The following EPG5 variants were observed in gnomAD, a reference collection of about 807,000 sequenced individuals.
EPG5 encodes ectopic P granules protein 5 homolog.
A neutral mutation model predicts 302.7 loss-of-function variants in EPG5; 159 were observed. The observed-to-expected ratio is 0.53, with a 90% CI of 0.46 to 0.60. The LOEUF (loss-of-function observed/expected upper bound fraction) is 0.60, where lower values mean the gene tolerates loss of function less well. Among genes scored for constraint, EPG5 ranks in the 20% least tolerant of loss-of-function variants. The pLI is 0.00. For synonymous variants in EPG5, 1,158 were observed against 1,136.8 expected (o/e 1.02, Z -0.37); for missense variants, 2,896 against 3,092.4 (o/e 0.94, Z 1.51).
intron 14 of EPG5, among the ~76,000 whole-genome samples, chr18:45,924,782 C>G (rs1335305355): frequency 6.6e-6 from 1 of 152,214 alleles, no homozygotes; most frequent in African/African-American, 2.4e-5. Flanking sequence ...ACTCTATGCG[C>G]AGTGGCACGC....
the EPG5 span, among the ~76,000 whole-genome samples, chr18:45,829,549 G>C: frequency 6.6e-6 from 1 of 152,258 alleles, no homozygotes; most frequent in African/African-American, 2.4e-5. Flanking sequence ...ACAGCCAATG[G>C]GAGTGTCTCT....
At chr18:45,942,355 C>T (rs1265295366) in intron 9 of EPG5, among the ~76,000 whole-genome samples, 1 of 152,112 alleles carries the variant, frequency 6.6e-6, no homozygotes, top group Non-Finnish European at 1.5e-5. Context: ...GTAATCCCAG[C>T]ACTTTGGGAA....
chr18:45,839,665 G>A, the EPG5 span, among the ~76,000 whole-genome samples: 2 of 152,138 alleles, frequency 1.3e-5, no homozygotes, highest in East Asian at 3.9e-4. Context: ...CGTGCTGGGA[G>A]AGCTAAATAA....
chr18:45,879,977 TTAAAGA>T, intron 32 of EPG5, 92 bp downstream of exon 32: 2 of 1,360,278 alleles, frequency 1.5e-6, no homozygotes, highest in Non-Finnish European at 2.0e-6. Flanking sequence ...CACATGGCTC[TTAAAGA>T]TAATGCACAA....
intron 43 of EPG5, among the ~76,000 whole-genome samples, chr18:45,854,127 C>T (rs1394566406): frequency 6.6e-6 from 1 of 152,126 alleles, no homozygotes; most frequent in Non-Finnish European, 1.5e-5. Flanking sequence ...TCAAATACAC[C>T]CTGCATCTCA....
In EPG5 at chr18:45,939,678, G is replaced by C. The variant is rs1358885035; in HGVS notation, c.2021C>G (p.Pro674Arg). The C allele has an allele frequency of 2.5e-6, 4 of 1,614,040 alleles. No homozygotes were observed. Among genetic ancestry groups the C allele is most frequent in the Non-Finnish European group, 3.4e-6 (4 of 1,179,996 alleles). ...AACCTGTAGTTTCTCCATAGAGTAG[G>C]GCTGTTGGGCCAATCCTGAGCCTTG... Reference protein sequence around the residue: ...HNQGSGLAQQPYSMEKLQVEF... With the variant: ...HNQGSGLAQQRYSMEKLQVEF... Residue 674 changes from proline to arginine, a missense_variant, in exon 10 of 44, where the codon CCC becomes CGC. Coordinates refer to ENST00000282041, the MANE Select transcript of EPG5 (RefSeq NM_020964.3).
At position 45,928,960 on chromosome 18, in the gene EPG5, C is replaced by T. The variant is rs776940588; in HGVS notation, c.2462G>A (p.Arg821Gln). The part of the protein sequence containing the change: ...STRETFSKVG[R>Q]ELLGTITAVH... ...AGCTGTGATAGTCCCTAAAAGCTCTCGACCAACCTTTGAAAAAGTCTCTCT... is the reference window on the plus strand; with the variant it reads ...AGCTGTGATAGTCCCTAAAAGCTCTTGACCAACCTTTGAAAAAGTCTCTCT... Residue 821 changes from arginine (R) to glutamine (Q), a missense_variant, in exon 13 of 44, where the codon CGA becomes CAA. Physicochemically the swap from Arg to Gln is conservative, Grantham distance 43 (BLOSUM62 1). Around this residue, in one of 5 missense-constraint regions of EPG5, gnomAD observed 1,390 missense variants for 1,430.0 expected, o/e 0.97. Coordinates refer to ENST00000282041, the MANE Select transcript of EPG5 (RefSeq NM_020964.3). The T allele has an allele frequency of 7.4e-6, 12 of 1,613,762 alleles. No homozygotes were observed. The highest frequency in any genetic ancestry group is 5.3e-5 in the African/African-American group (4 of 74,886).
intron 11 of EPG5, 68 bp downstream of exon 11, chr18:45,934,741 A>C (rs753028766): frequency 4.6e-6 from 7 of 1,508,078 alleles, no homozygotes; most frequent in Non-Finnish European, 6.2e-6. Flanking sequence ...AAAAGTAAAA[A>C]TTAAGCCCTG....
At chr18:45,816,604 C>A in the EPG5 span, among the ~76,000 whole-genome samples, 1 of 151,984 alleles carries the variant, frequency 6.6e-6, no homozygotes, top group Non-Finnish European at 1.5e-5. Flanking sequence ...GCAGGAATGG[C>A]CATAATAAAA....
rs1006464014 is a variant in EPG5, at chr18:45,852,004, A to C, written c.*463T>G. 1 of 152,916 alleles carries C rather than the reference A, an allele frequency of 6.5e-6. No homozygotes were observed. Among genetic ancestry groups the C allele is most frequent in the African/African-American group, 2.4e-5 (1 of 41,468 alleles). The allele number at this position is 152,916 out of a possible 1,614,324, so 9.5% of individuals were successfully genotyped here. A position where few individuals can be genotyped will look rare whatever the true frequency, so the allele number is the denominator to read the frequency against. On this transcript the variant is annotated 3_prime_UTR_variant, in exon 44 of 44. Coordinates refer to ENST00000282041, the MANE Select transcript of EPG5 (RefSeq NM_020964.3). ...TTTGTCCACATTTGAGAAATGCAGA[A>C]ATTTTTCAAAATTGACTTCTTTACT...
intron 1 of EPG5, among the ~76,000 whole-genome samples, chr18:45,966,664 A>G (rs1338953008): frequency 6.6e-6 from 1 of 152,206 alleles, no homozygotes; most frequent in East Asian, 1.9e-4. Flanking sequence ...ACAATAAGAA[A>G]TAAACAGAGG....
At chr18:45,944,194 A>C in intron 7 of EPG5, 75 bp from the exon 8 acceptor site, 1 of 884,070 alleles carries the variant, frequency 1.1e-6, no homozygotes, top group East Asian at 2.4e-5. Context: ...CAGGAGCTAA[A>C]TTATCACAGG....
intron 30 of EPG5, 40 bp from the exon 31 acceptor site, chr18:45,882,527 T>G: frequency 6.5e-7 from 1 of 1,541,952 alleles, no homozygotes; most frequent in Non-Finnish European, 8.8e-7. Context: ...TTATTTGCAC[T>G]AGAAAAATAG....
the EPG5 span, chr18:45,825,452 A>C: frequency 1.9e-6 from 1 of 529,768 alleles, no homozygotes; most frequent in South Asian, 2.8e-5. Context: ...TTTCTTTCTC[A>C]CCCTCTTTCC....
At chr18:45,906,589 G>T (rs1168006889) in intron 24 of EPG5, among the ~76,000 whole-genome samples, 1 of 151,720 alleles carries the variant, frequency 6.6e-6, no homozygotes, top group Admixed American at 6.6e-5. Context: ...CACCACTCCA[G>T]GCCCAATCCA....
chr18:45,884,237 G>A (rs2049168267), intron 30 of EPG5, among the ~76,000 whole-genome samples: 1 of 152,168 alleles, frequency 6.6e-6, no homozygotes, highest in Non-Finnish European at 1.5e-5. Context: ...TCTCATAGAA[G>A]TGCGAACCCT....
At chr18:45,839,381 C>T in the EPG5 span, among the ~76,000 whole-genome samples, 1 of 152,210 alleles carries the variant, frequency 6.6e-6, no homozygotes, top group Non-Finnish European at 1.5e-5. Context: ...AGAGCCGTCC[C>T]TTTGCTACCA....
At chr18:45,878,938 T>C in intron 33 of EPG5, 75 bp downstream of exon 33, 1 of 1,181,404 alleles carries the variant, frequency 8.5e-7, no homozygotes, top group Admixed American at 1.8e-5. Flanking sequence ...TATAAATCTC[T>C]TAATGTGCCT....
the EPG5 span, among the ~76,000 whole-genome samples, chr18:45,828,148 C>G: frequency 1.3e-5 from 2 of 152,306 alleles, no homozygotes; most frequent in South Asian, 4.1e-4. Flanking sequence ...GCAGGCTCTG[C>G]TCCACCACCG....
Sources: allele counts gnomAD v4.1 joint callset (sites outside exome capture counted in the v4.1 genomes callset), GRCh38; gene constraint gnomAD v4.1.1; regional missense constraint gnomAD v4.1.1; transcripts MANE v1.5; gene names NCBI Gene and HGNC (gene_info 2026-07-23, HGNC 2026-07-21).